Variants in LRP4 observed in about 807,000 individuals in gnomAD.
LRP4 encodes the protein LDL receptor related protein 4.
A neutral mutation model predicts 220.3 loss-of-function variants in LRP4; 95 were observed. The observed-to-expected ratio is 0.43, with a 90% CI of 0.37 to 0.51. LRP4 has a LOEUF of 0.51. Among genes scored for constraint, LRP4 ranks in the 20% least tolerant of loss-of-function variants. LRP4 has a pLI of 0.00. For synonymous variants in LRP4, 903 were observed against 954.6 expected, an observed-to-expected ratio of 0.95 and a Z score of 1.00; for missense variants, 1,925 against 2,567.0, an observed-to-expected ratio of 0.75 and a Z score of 5.40.
Position 46,896,794 on chromosome 11 carries a change from A to T in LRP4, c.922+75T>A. On this transcript the variant is annotated intron_variant, in intron 8 of 37. Transcript: ENST00000378623. ...AAAACCTCAACCCAACTGGAAAGAT[A>T]CCAAAGCACCCTCTTTTCCACCCTT... The T allele has an allele frequency of 2.5e-6, 4 of 1,607,412 alleles. No homozygotes were observed. In the South Asian group the frequency reaches 4.4e-5, roughly 18 times the overall value.
In LRP4 at chr11:46,865,120, T is replaced by C. The variant is rs1484436104; in HGVS notation, c.5154A>G (p.Pro1718=). ...AACAGTGGGGTACTCAGGGCTTACC[T>C]GGAGCAGCAGGAACAGCGTCATTGG... ...ARSNDAVPAA[P]GEGLHISYAI... Residue 1718 remains proline (P), a splice_region_variant and synonymous_variant, in exon 35 of 38, where the codon CCA becomes CCG. Transcript: ENST00000378623. The C allele has an allele frequency of 6.4e-7, 1 of 1,561,616 alleles. No individual in the cohort carries two copies. The highest frequency in any genetic ancestry group is 2.4e-5 in the East Asian group (1 of 41,948).
intron 30 of LRP4, among the ~76,000 whole-genome samples, chr11:46,872,710 C>T (rs915547264): frequency 1.6e-4 from 24 of 152,052 alleles, no homozygotes; most frequent in African/African-American, 5.8e-4. Context: ...CGCCACTGCA[C>T]TCCAGCCTGG....
intron 1 of LRP4, among the ~76,000 whole-genome samples, chr11:46,909,582 G>A (rs1042733069): frequency 1.0e-4 from 11 of 106,120 alleles, no homozygotes; most frequent in Middle Eastern, 7.2e-3. Flanking sequence ...TCCGCAGTCC[G>A]GCCTGGGCGA....
intron 31 of LRP4, among the ~76,000 whole-genome samples, chr11:46,870,568 T>G (rs1940834873): frequency 6.6e-6 from 1 of 152,016 alleles, no homozygotes; most frequent in Non-Finnish European, 1.5e-5. Flanking sequence ...AGACTACAGG[T>G]GTGTACCAGC....
chr11:46,886,249 G>A (rs912201142), intron 17 of LRP4, 76 bp downstream of exon 17: 4 of 1,599,096 alleles, frequency 2.5e-6, no homozygotes, highest in Non-Finnish European at 3.4e-6. Context: ...CAATTCTCAA[G>A]GTTGGCAAAG....
intron 1 of LRP4, among the ~76,000 whole-genome samples, chr11:46,915,318 T>C (rs1181374904): frequency 6.6e-6 from 1 of 152,198 alleles, no homozygotes; most frequent in Non-Finnish European, 1.5e-5. Context: ...GTTTTAACAT[T>C]TCCCTTACCT....
At chr11:46,902,652 T>C (rs759825813) in intron 2 of LRP4, 131 bp downstream of exon 2, 8 of 1,036,754 alleles carry the variant, frequency 7.7e-6, no homozygotes, top group East Asian at 4.8e-5. Flanking sequence ...TCAATATCTA[T>C]CAAGCTTGCA....
At chr11:46,863,765 A>T (rs1257472963) in intron 36 of LRP4, among the ~76,000 whole-genome samples, 1 of 152,020 alleles carries the variant, frequency 6.6e-6, no homozygotes, top group African/African-American at 2.4e-5. Flanking sequence ...TCTCAAAAAA[A>T]TAAGACAAAA....
chr11:46,865,215 G>A, intron 34 of LRP4, 29 bp from the exon 35 acceptor site: 4 of 1,508,222 alleles, frequency 2.7e-6, no homozygotes, highest in Non-Finnish European at 3.6e-6. Flanking sequence ...TGGATGTGAA[G>A]CCTACTCATA....
chr11:46,908,614 G>A (rs1941801183), intron 1 of LRP4, among the ~76,000 whole-genome samples: 1 of 152,088 alleles, frequency 6.6e-6, no homozygotes, highest in South Asian at 2.1e-4. Context: ...ACAACTTCTG[G>A]GTCCCTCTCT....
rs1298446501 is a variant in LRP4 at position 46,875,426 on chromosome 11, G to A, written c.3925+30C>T. On this transcript the variant is annotated intron_variant, in intron 27 of 37. Coordinates refer to ENST00000378623, the MANE Select transcript of LRP4 (RefSeq NM_002334.4). This position sits in a 1 kb window ranked among gnomAD's most constrained non-coding sequence, Gnocchi z 4.5. The stretch of plus-strand genomic sequence containing the variant: ...ATGGCCCCAGAAAGCCAGAGGCTCT[G>A]ACTCACAGCCCCAGCCCTCTGACTC... 6.3e-7 allele frequency: 1 copy of A among 1,590,434 alleles called. No individual in the cohort carries two copies. The highest frequency in any genetic ancestry group is 1.1e-5 in the South Asian group (1 of 90,476).
rs1940978056 is a variant in LRP4 at position 46,875,232 on chromosome 11, G to GT, written c.3926-130dup. 1.4e-5 allele frequency: 15 copies of GT among 1,034,866 alleles called. No individual in the cohort carries two copies. Among genetic ancestry groups the GT allele is most frequent in the Middle Eastern group, 2.9e-4 (1 of 3,416 alleles). 64.1% of individuals were successfully genotyped at this position (1,034,866 alleles called of 1,614,324 possible). On this transcript the variant is annotated intron_variant, in intron 27 of 37. Transcript: ENST00000378623. The surrounding 1 kb of genome is among the most constrained non-coding windows in gnomAD (Gnocchi z 4.5). ...AGGATTCAGTGCCTGGCAGGGTGAG[G>GT]TAGAAGGAGGGTCTGCAGGAGGATC...
chr11:46,894,682 A>G lies in LRP4; in HGVS notation c.1447T>C (p.Phe483Leu), dbSNP rs556226743. ...LDFHHRRELV[F>L]WSDVTLDRIL... ...CGGTCCAGGGTGACATCTGACCAGA[A>G]GACAAGCTCGCGGCGGTGGTGGAAA... The change falls in exon 12 of 38, where the codon TTC becomes CTC. Residue 483 changes from phenylalanine (F) to leucine (L), a missense_variant. By Grantham distance (22) the Phe-to-Leu change is conservative (BLOSUM62 0). Around this residue, in one of 3 missense-constraint regions of LRP4, gnomAD observed 269 missense variants for 436.7 expected, o/e 0.62. Coordinates refer to ENST00000378623, the MANE Select transcript of LRP4 (RefSeq NM_002334.4). 2.5e-6 allele frequency: 4 copies of G among 1,614,218 alleles called. No homozygotes were observed. The South Asian group carries it at 4.4e-5, about 18-fold the overall frequency.
In LRP4 at chr11:46,890,229, C is replaced by T. The variant is rs752604343; in HGVS notation, c.1915+48G>A. 7.5e-6 allele frequency: 12 copies of T among 1,607,108 alleles called. No homozygotes were observed. The highest frequency in any genetic ancestry group is 4.0e-5 in the African/African-American group (3 of 74,678). On this transcript the variant is annotated intron_variant, in intron 14 of 37. Transcript: ENST00000378623. The surrounding 1 kb of genome is among the most constrained non-coding windows in gnomAD (Gnocchi z 5.3). Reference sequence around the variant, plus strand: ...TACCAAGGCTCCTGGGGGGCAGGGACGGGGGCAGGAGGACAAGAGATGAAG... The same window carrying T: ...TACCAAGGCTCCTGGGGGGCAGGGATGGGGGCAGGAGGACAAGAGATGAAG...
chr11:46,884,783 C>T (rs985499982), intron 18 of LRP4, among the ~76,000 whole-genome samples: 12 of 149,040 alleles, frequency 8.1e-5, no homozygotes, highest in African/African-American at 2.7e-4. Context: ...TGGTAGTGCA[C>T]GCCTGTAATC....
In LRP4 at chr11:46,906,080, A is replaced by C. The variant is rs74733598; in HGVS notation, c.53-3151T>G. 1.4e-4 allele frequency among the ~76,000 whole-genome samples: 22 copies of C among 152,278 alleles called. No homozygotes were observed. The East Asian group carries it at 2.9e-3, about 20-fold the overall frequency. On this transcript the variant is annotated intron_variant, in intron 1 of 37. Transcript: ENST00000378623. ...GGACAAAGCACTGGACCTGGAGCAG[A>C]CAGACTTGGGTTCCATCGACCAGCC...
Position 46,893,013 on chromosome 11 carries a change from G to A in LRP4, c.1657C>T (p.Leu553=). ...AHRKVLLWQN[L]EKPRAIALHP... is the part of the protein sequence containing the mutation. ...AAGGCAATGGCCCGGGGCTTCTCCA[G>A]GTTCTGCCACAGCAACACTTTCCGG... The change falls in exon 13 of 38, where the codon CTG becomes TTG. Residue 553 remains leucine, a synonymous_variant. Transcript: ENST00000378623. 6.2e-7 allele frequency: 1 copy of A among 1,614,056 alleles called. No individual in the cohort carries two copies.
At position 46,873,385 on chromosome 11, in the gene LRP4, G is replaced by A. The variant is rs761829277; in HGVS notation, c.4438C>T (p.Pro1480Ser). The A allele has an allele frequency of 6.2e-7, 1 of 1,614,134 alleles. No homozygotes were observed. Among genetic ancestry groups the A allele is most frequent in the Admixed American group, 1.7e-5 (1 of 60,010 alleles). Reference sequence around the variant, plus strand: ...TGGCCATAAACTTACCCCTTCCTGGGGAAAACAGCAATGGCCCGGGGCTCA... The same window carrying A: ...TGGCCATAAACTTACCCCTTCCTGGAGAAAACAGCAATGGCCCGGGGCTCA... The part of the protein sequence containing the change: ...LDEPRAIAVF[P>S]RKGYLFWTDW... Residue 1480 changes from proline to serine, a missense_variant, in exon 29 of 38, where the codon CCC becomes TCC. Coordinates refer to ENST00000378623, the MANE Select transcript of LRP4 (RefSeq NM_002334.4). This position sits in a 1 kb window ranked among gnomAD's most constrained non-coding sequence, Gnocchi z 4.2.
intron 19 of LRP4, among the ~76,000 whole-genome samples, chr11:46,882,437 A>G (rs572922568): frequency 6.6e-6 from 1 of 151,608 alleles, no homozygotes; most frequent in African/African-American, 2.4e-5. Flanking sequence ...TGACTGGGCC[A>G]CTGCACTCCA....
Sources: allele counts gnomAD v4.1 joint callset (sites outside exome capture counted in the v4.1 genomes callset), GRCh38; gene constraint gnomAD v4.1.1; regional missense constraint gnomAD v4.1.1; non-coding constraint Gnocchi (gnomAD v3.1); transcripts MANE v1.5; gene names NCBI Gene and HGNC (gene_info 2026-07-23, HGNC 2026-07-21).